LRP1B: variants seen among roughly 807,000 people sequenced by gnomAD.
LRP1B encodes the protein low-density lipoprotein receptor-related protein 1B.
LRP1B carries 217 observed loss-of-function variants against 556.6 expected under a neutral mutation model. The ratio of observed to expected loss-of-function variants is 0.39; its 90% CI spans 0.35 to 0.44. The LOEUF (loss-of-function observed/expected upper bound fraction) is 0.44. Among genes scored for constraint, LRP1B ranks in the 20% least tolerant of loss-of-function variants. The probability of loss-of-function intolerance (pLI) is 1.00; values close to 1 mark genes in which losing one functional copy is unlikely to be tolerated. For synonymous variants in LRP1B, 2,047 were observed against 1,865.8 expected (o/e 1.10, Z -2.50); for missense variants, 5,053 against 5,620.8 (o/e 0.90, Z 3.23).
At chr2:141,737,779 T>C (rs1020391020) in intron 2 of LRP1B, among the ~76,000 whole-genome samples, 1 of 152,148 alleles carries the variant, frequency 6.6e-6, no homozygotes. Context: ...TTATTGATAT[T>C]GGTGCATATT....
chr2:140,493,582 T>C (rs1574001164), intron 56 of LRP1B, among the ~76,000 whole-genome samples: 1 of 46,314 alleles, frequency 2.2e-5, no homozygotes, highest in Non-Finnish European at 4.8e-5. Context: ...TTTTAACATC[T>C]TTTTTTTAAG....
At chr2:140,769,192 T>C (rs748782898) in intron 35 of LRP1B, 21 bp downstream of exon 35, 4 of 1,606,906 alleles carry the variant, frequency 2.5e-6, no homozygotes, top group Admixed American at 1.7e-5. Context: ...ATGCATAAAT[T>C]ATGACTAAAA....
chr2:141,763,873 A>G (rs1459872429), intron 2 of LRP1B, among the ~76,000 whole-genome samples: 1 of 125,876 alleles, frequency 7.9e-6, no homozygotes, highest in South Asian at 3.0e-4. Context: ...TAAAAAGTGA[A>G]TATGCTTGAT....
rs1188275638 is a variant in LRP1B, at chr2:140,378,190, C to T, written c.10628G>A (p.Gly3543Asp). 8.7e-6 allele frequency: 14 copies of T among 1,610,160 alleles called. No individual in the cohort carries two copies. The East Asian group carries it at 1.8e-4, about 21-fold the overall frequency. The change falls in exon 68 of 91, where the codon GGC (glycine) becomes GAC (aspartate). Residue 3543 changes from glycine (G) to aspartate (D), a missense_variant. This residue lies in a region of LRP1B where 599 missense variants were observed against 648.4 expected (regional missense o/e 0.92). Transcript: ENST00000389484. ...TACAAAGATGCCTACCTCATCAGAG[C>T]CATCTGCACAGTCAAAATCTCCATC... ...WCDGDFDCAD[G>D]SDERNCETSC... is the part of the protein sequence containing the mutation.
At chr2:140,279,728 C>T (rs1011774633) in intron 84 of LRP1B, among the ~76,000 whole-genome samples, 1 of 151,862 alleles carries the variant, frequency 6.6e-6, no homozygotes, top group Non-Finnish European at 1.5e-5. Context: ...TAATTGTTTA[C>T]TTTGGTTCTA....
At chr2:140,926,766 C>T (rs2105264634) in intron 20 of LRP1B, among the ~76,000 whole-genome samples, 1 of 152,218 alleles carries the variant, frequency 6.6e-6, no homozygotes. Context: ...ATACATGATG[C>T]TTTTTATTGA....
intron 1 of LRP1B, among the ~76,000 whole-genome samples, chr2:141,879,261 A>G (rs1698875424): frequency 6.6e-6 from 1 of 151,842 alleles, no homozygotes; most frequent in Non-Finnish European, 1.5e-5. Flanking sequence ...TATAACACAT[A>G]TGATTCTGAT....
intron 66 of LRP1B, among the ~76,000 whole-genome samples, chr2:140,407,220 C>T (rs1363377810): frequency 6.6e-6 from 1 of 152,016 alleles, no homozygotes; most frequent in African/African-American, 2.4e-5. Context: ...AAATCTAAAA[C>T]ATAAAACCAT....
chr2:141,081,367 A>T (rs942330390), intron 7 of LRP1B, among the ~76,000 whole-genome samples: 1 of 152,174 alleles, frequency 6.6e-6, no homozygotes. Flanking sequence ...AAAAAAGAAT[A>T]ATGCCTAAGA....
chr2:141,390,086 C>T (rs1012404343), intron 3 of LRP1B, among the ~76,000 whole-genome samples: 20 of 152,094 alleles, frequency 1.3e-4, no homozygotes, highest in Non-Finnish European at 2.4e-4. Flanking sequence ...TGCAGTGAGC[C>T]GAGATCACGC....
At chr2:141,969,270 G>A (rs549525060) in intron 1 of LRP1B, among the ~76,000 whole-genome samples, 13 of 150,814 alleles carry the variant, frequency 8.6e-5, no homozygotes, top group South Asian at 2.1e-4. Context: ...GAGAACATTC[G>A]AAATGTACTC....
rs181029196 is a variant in LRP1B at position 141,994,312 on chromosome 2, C to T, written c.82+136336G>A. 1.2e-3 allele frequency among the ~76,000 whole-genome samples: 181 copies of T among 152,226 alleles called. 1 individual carries two copies. Among genetic ancestry groups the T allele is most frequent in the Non-Finnish European group, 2.3e-3 (156 of 67,996 alleles). The stretch of plus-strand genomic sequence containing the variant: ...CTTAGGTGCATTCTGAATGATTCAT[C>T]TCATAATAAAAATTATTTCATAATA... On this transcript the variant is annotated intron_variant, in intron 1 of 90. Coordinates refer to ENST00000389484, the MANE Select transcript of LRP1B (RefSeq NM_018557.3).
At chr2:142,088,997 GAAA>G (rs1285131830) in intron 1 of LRP1B, among the ~76,000 whole-genome samples, 1 of 22,916 alleles carries the variant, frequency 4.4e-5, no homozygotes, top group East Asian at 4.3e-3. Context: ...AAAAAAAAAA[GAAA>G]AAGAAAAAGT....
intron 1 of LRP1B, among the ~76,000 whole-genome samples, chr2:141,828,919 G>A (rs1056994131): frequency 2.0e-5 from 3 of 152,040 alleles, no homozygotes; most frequent in African/African-American, 7.3e-5. Flanking sequence ...CGTTGATTCA[G>A]TTATTTGCTA....
intron 11 of LRP1B, among the ~76,000 whole-genome samples, chr2:141,039,207 C>T (rs1474497946): frequency 1.3e-5 from 2 of 152,012 alleles, no homozygotes; most frequent in African/African-American, 4.8e-5. Context: ...TACTGGCCAC[C>T]CAGGTTGTAA....
chr2:140,612,799 A>T (rs148296591), intron 41 of LRP1B, among the ~76,000 whole-genome samples: 6 of 152,192 alleles, frequency 3.9e-5, no homozygotes, highest in African/African-American at 1.4e-4. Flanking sequence ...CTTTCTATAC[A>T]TCATAATTCT....
intron 82 of LRP1B, among the ~76,000 whole-genome samples, chr2:140,316,201 T>G (rs898380981): frequency 4.6e-5 from 7 of 152,136 alleles, no homozygotes; most frequent in African/African-American, 1.4e-4. Context: ...TTGAGAAAGT[T>G]GTAATAAGCA....
intron 3 of LRP1B, among the ~76,000 whole-genome samples, chr2:141,338,673 T>C (rs547916250): frequency 6.6e-6 from 1 of 152,326 alleles, no homozygotes; most frequent in East Asian, 1.9e-4. Context: ...TTAGTTTTTA[T>C]CTTCCTCATT....
intron 66 of LRP1B, among the ~76,000 whole-genome samples, chr2:140,439,437 A>G (rs2105296454): frequency 6.6e-6 from 1 of 152,320 alleles, no homozygotes; most frequent in East Asian, 1.9e-4. Context: ...TGAACTATTA[A>G]CAACTCACAA....
Sources: gnomAD v4.1 joint callset for allele counts (sites outside exome capture counted in the v4.1 genomes callset) on GRCh38, gnomAD v4.1.1 for gene constraint, gnomAD v4.1.1 regional missense constraint, MANE v1.5 for transcripts, NCBI Gene and HGNC (gene_info 2026-07-23, HGNC 2026-07-21) for gene names.